Variants in CTNNA3 observed in about 807,000 individuals in gnomAD.
The protein encoded by CTNNA3 is catenin alpha 3.
In CTNNA3, 76 loss-of-function variants were observed where a neutral mutation model predicts 95.7. The observed-to-expected ratio is 0.79, with a 90% CI of 0.66 to 0.96. CTNNA3 has a LOEUF of 0.96. Ranked by LOEUF, CTNNA3 falls within the 40% of genes least tolerant of loss-of-function variation. CTNNA3 has a pLI of 0.00. For missense variants in CTNNA3, 1,191 were observed against 1,089.8 expected (o/e 1.09, Z -1.31); for synonymous variants, 431 against 374.4 (o/e 1.15, Z -1.74).
chr10:66,995,046 C>T (rs1409351421), intron 7 of CTNNA3, among the ~76,000 whole-genome samples: 1 of 152,128 alleles, frequency 6.6e-6, no homozygotes, highest in Non-Finnish European at 1.5e-5. Context: ...CTAAATACTC[C>T]TAAATCTAGA....
chr10:66,771,441 A>G (rs527910024), intron 8 of CTNNA3, among the ~76,000 whole-genome samples: 2 of 152,318 alleles, frequency 1.3e-5, no homozygotes, highest in South Asian at 4.1e-4. Flanking sequence ...AAAAGAGGCT[A>G]AAGAAAGAAG....
rs111796655 is a variant in CTNNA3, at chr10:66,932,466, A to G, written c.1048-156942T>C. ...AAAAATTCAGAATCTGTGTTGCTTC[A>G]TCTATTCCTTTTTGCTCTGGATTCT... On this transcript the variant is annotated intron_variant, in intron 7 of 17. Transcript: ENST00000433211. Among the ~76,000 whole-genome samples the G allele has an allele frequency of 8.2e-3, 1,241 of 152,240 alleles. 19 individuals carry two copies. Among genetic ancestry groups the G allele is most frequent in the African/African-American group, 0.028 (1,173 of 41,520 alleles).
At chr10:66,267,805 T>C (rs1438806804) in intron 13 of CTNNA3, among the ~76,000 whole-genome samples, 1 of 152,168 alleles carries the variant, frequency 6.6e-6, no homozygotes, top group Non-Finnish European at 1.5e-5. Context: ...AAGGGTTTTA[T>C]TTAGAAGAGG....
intron 11 of CTNNA3, among the ~76,000 whole-genome samples, chr10:66,452,469 A>T (rs907335490): frequency 3.3e-5 from 5 of 152,164 alleles, no homozygotes; most frequent in African/African-American, 1.2e-4. Flanking sequence ...GCCCTTGCAC[A>T]TTCCTGGGTG....
At chr10:66,568,314 A>C (rs1842773340) in intron 10 of CTNNA3, among the ~76,000 whole-genome samples, 1 of 152,314 alleles carries the variant, frequency 6.6e-6, no homozygotes, top group South Asian at 2.1e-4. Context: ...GTGTCCCTTC[A>C]ACAAAACTGA....
At chr10:66,848,387 G>A (rs1843357048) in intron 7 of CTNNA3, among the ~76,000 whole-genome samples, 1 of 152,116 alleles carries the variant, frequency 6.6e-6, no homozygotes. Context: ...GAGACAGAGG[G>A]CGCTGGATCC....
At chr10:66,508,918 G>C (rs990595372) in intron 11 of CTNNA3, among the ~76,000 whole-genome samples, 1 of 152,046 alleles carries the variant, frequency 6.6e-6, no homozygotes, top group African/African-American at 2.4e-5. Flanking sequence ...GAGATTGCTA[G>C]ATCATATGGA....
chr10:66,414,950 TTC>T (rs2093134738), intron 11 of CTNNA3, among the ~76,000 whole-genome samples: 1 of 152,108 alleles, frequency 6.6e-6, no homozygotes, highest in Admixed American at 6.5e-5. Flanking sequence ...GACCACAGGC[TTC>T]TCCACCCAAG....
At chr10:66,878,677 C>A (rs1250920921) in intron 7 of CTNNA3, among the ~76,000 whole-genome samples, 2 of 152,100 alleles carry the variant, frequency 1.3e-5, no homozygotes, top group South Asian at 4.1e-4. Context: ...CACAATAAAC[C>A]ATCTCTCTCA....
At chr10:66,928,562 T>A (rs1211297684) in intron 7 of CTNNA3, 1 of 989,832 alleles carries the variant, frequency 1.0e-6, no homozygotes, top group East Asian at 2.6e-5. Flanking sequence ...CCCTTCCCTC[T>A]CCCTCTCACT....
At chr10:65,994,903 C>T (rs11599460) in intron 15 of CTNNA3, among the ~76,000 whole-genome samples, 22,513 of 151,972 alleles carry the variant, frequency 0.15, 1,722 homozygotes, top group East Asian at 0.2. Flanking sequence ...TTTATTCCTG[C>T]TATAAAATTA....
intron 9 of CTNNA3, among the ~76,000 whole-genome samples, chr10:66,625,228 T>C (rs947017322): frequency 5.9e-5 from 9 of 152,248 alleles, no homozygotes; most frequent in Middle Eastern, 6.8e-3. Context: ...CCCTCTAAAA[T>C]GTATGGTATA....
At chr10:66,907,738 A>T (rs368879625) in intron 7 of CTNNA3, among the ~76,000 whole-genome samples, 1 of 152,170 alleles carries the variant, frequency 6.6e-6, no homozygotes, top group Non-Finnish European at 1.5e-5. Flanking sequence ...ACCCCAACAG[A>T]TATCAAAACA....
intron 7 of CTNNA3, among the ~76,000 whole-genome samples, chr10:66,920,435 A>G (rs975821278): frequency 6.6e-6 from 1 of 152,222 alleles, no homozygotes; most frequent in Admixed American, 6.5e-5. Context: ...GCAATCTCGC[A>G]TTTAGATTTT....
At chr10:66,618,645 C>G (rs1844621880) in intron 10 of CTNNA3, among the ~76,000 whole-genome samples, 2 of 152,084 alleles carry the variant, frequency 1.3e-5, no homozygotes, top group Admixed American at 6.6e-5. Flanking sequence ...AGGACATAGG[C>G]ATGGGCAAGG....
intron 7 of CTNNA3, among the ~76,000 whole-genome samples, chr10:67,052,438 G>A (rs1479021088): frequency 2.0e-5 from 3 of 151,872 alleles, no homozygotes; most frequent in African/African-American, 4.8e-5. Flanking sequence ...AGAACGAAAT[G>A]GGCTTCACAA....
rs564059019 is a variant in CTNNA3 at position 66,818,753 on chromosome 10, T to C, written c.1048-43229A>G. ...TGGGTTTTTTTCAGAAATTGGCAAGTTGATCATAATATTCATATGGAAAAG... is the reference window on the plus strand; with the variant it reads ...TGGGTTTTTTTCAGAAATTGGCAAGCTGATCATAATATTCATATGGAAAAG... On this transcript the variant is annotated intron_variant, in intron 7 of 17. Transcript: ENST00000433211. Among the ~76,000 whole-genome samples, 21 of 151,982 alleles carry C rather than the reference T, an allele frequency of 1.4e-4. No homozygotes were observed. The East Asian group carries it at 4.1e-3, about 29-fold the overall frequency.
rs1015814024 is a variant in CTNNA3 at position 66,623,898 on chromosome 10, A to G, written c.1282-2114T>C. On this transcript the variant is annotated intron_variant, in intron 9 of 17. Coordinates refer to ENST00000433211, the MANE Select transcript of CTNNA3 (RefSeq NM_013266.4). Reference sequence around the variant, plus strand: ...TACATCAGTGTGTGAATAAAGCCAAATTTCTTCTAATGATGATTCTTCCTA... The same window carrying G: ...TACATCAGTGTGTGAATAAAGCCAAGTTTCTTCTAATGATGATTCTTCCTA... Among the ~76,000 whole-genome samples the G allele has an allele frequency of 7.9e-5, 12 of 152,260 alleles. No individual in the cohort carries two copies. The East Asian group carries it at 2.3e-3, about 29-fold the overall frequency.
At chr10:67,102,079 T>C (rs74145103) in intron 7 of CTNNA3, among the ~76,000 whole-genome samples, 16,525 of 151,660 alleles carry the variant, frequency 0.11, 1,079 homozygotes, top group African/African-American at 0.18. Context: ...TGCTGGGTAA[T>C]ATAACAATCT....
Sources: gnomAD v4.1 joint callset for allele counts (sites outside exome capture counted in the v4.1 genomes callset) on GRCh38, gnomAD v4.1.1 for gene constraint, MANE v1.5 for transcripts, NCBI Gene and HGNC (gene_info 2026-07-23, HGNC 2026-07-21) for gene names.